The following TTC1 variants were observed in gnomAD, a reference collection of about 807,000 sequenced individuals.
TTC1 encodes the protein tetratricopeptide repeat domain 1, also known as tetratricopeptide repeat protein 1.
In TTC1, 31 loss-of-function variants were observed where a neutral mutation model predicts 37.6. The ratio of observed to expected loss-of-function variants is 0.82; its 90% CI spans 0.62 to 1.11. The LOEUF (loss-of-function observed/expected upper bound fraction) is 1.11, where lower values mean the gene tolerates loss of function less well. Among genes scored for constraint, TTC1 ranks in the 50% most tolerant of loss-of-function variants. The pLI, the probability that TTC1 is intolerant of heterozygous loss-of-function variation, is 0.00. For missense variants in TTC1, 351 were observed against 339.0 expected, an observed-to-expected ratio of 1.04 and a Z score of -0.28; for synonymous variants, 127 against 122.4, an observed-to-expected ratio of 1.04 and a Z score of -0.25.
intron 7 of TTC1, chr5:160,061,816 A>T (rs1753421168): frequency 6.6e-6 from 1 of 152,188 alleles, no homozygotes; most frequent in African/African-American, 2.4e-5. Context: ...AGTACAAGAG[A>T]TTTACTGGGG....
intron 5 of TTC1, among the ~76,000 whole-genome samples, chr5:160,047,198 A>G (rs1272624616): frequency 6.6e-6 from 1 of 152,138 alleles, no homozygotes; most frequent in African/African-American, 2.4e-5. Flanking sequence ...ATCCCACTGC[A>G]AAGTTCTTTC....
chr5:160,027,777 A>G (rs911432811), intron 2 of TTC1, among the ~76,000 whole-genome samples: 1 of 152,202 alleles, frequency 6.6e-6, no homozygotes, highest in African/African-American at 2.4e-5. Context: ...TTTTAAGTAT[A>G]TCATTACACT....
chr5:160,013,415 CA>C (rs924616980), intron 2 of TTC1, among the ~76,000 whole-genome samples: 1 of 150,968 alleles, frequency 6.6e-6, no homozygotes, highest in Admixed American at 6.6e-5. Flanking sequence ...AAAAAATGGC[CA>C]AAAAATGTGA....
At chr5:160,060,276 C>G (rs1483382965) in intron 7 of TTC1, among the ~76,000 whole-genome samples, 1 of 152,220 alleles carries the variant, frequency 6.6e-6, no homozygotes, top group African/African-American at 2.4e-5. Context: ...GCCTGATGCA[C>G]AGTCAGTATC....
intron 4 of TTC1, among the ~76,000 whole-genome samples, chr5:160,040,240 A>G (rs1385322426): frequency 6.6e-6 from 1 of 152,100 alleles, no homozygotes; most frequent in East Asian, 1.9e-4. Flanking sequence ...ATATATATAG[A>G]TACATAAACA....
Position 160,064,936 on chromosome 5 carries a change from A to G in TTC1, c.750A>G (p.Lys250=). The change falls in exon 8 of 8, where the codon AAA becomes AAG. Residue 250 remains lysine, a synonymous_variant. Transcript: ENST00000231238. Reference sequence around the variant, plus strand: ...GTTTTTGCTTTTACATTACAGGTAAATTAAAAGATCTTGGGAACTTGGTTC... The same window carrying G: ...GTTTTTGCTTTTACATTACAGGTAAGTTAAAAGATCTTGGGAACTTGGTTC... The part of the protein sequence containing the change: ...NERLKEEMLG[K]LKDLGNLVLR... 1.2e-6 allele frequency: 2 copies of G among 1,606,836 alleles called. No individual in the cohort carries two copies.
At chr5:160,034,461 A>G (rs949812150) in intron 2 of TTC1, among the ~76,000 whole-genome samples, 5 of 152,160 alleles carry the variant, frequency 3.3e-5, no homozygotes, top group Non-Finnish European at 7.3e-5. Flanking sequence ...TGCTAACAGT[A>G]TACTGCCCTA....
chr5:160,037,116 C>T (rs542552652), intron 4 of TTC1, among the ~76,000 whole-genome samples: 1 of 152,210 alleles, frequency 6.6e-6, no homozygotes, highest in African/African-American at 2.4e-5. Context: ...GCTCTAGATC[C>T]TTATTTTAGG....
chr5:160,023,894 G>T, intron 2 of TTC1: 2 of 1,604,758 alleles, frequency 1.2e-6, no homozygotes, highest in Non-Finnish European at 1.7e-6. Context: ...AGGATTCCTT[G>T]TGGGGTCAGG....
At chr5:160,018,156 C>G (rs1374360234) in intron 2 of TTC1, among the ~76,000 whole-genome samples, 1 of 152,184 alleles carries the variant, frequency 6.6e-6, no homozygotes, top group Non-Finnish European at 1.5e-5. Context: ...TTCTACTCCC[C>G]TTCCACAAAG....
At chr5:160,016,167 C>T (rs74824220) in intron 2 of TTC1, among the ~76,000 whole-genome samples, 12,360 of 152,188 alleles carry the variant, frequency 0.081, 691 homozygotes, top group Admixed American at 0.18. Flanking sequence ...CACTCAAGAC[C>T]AGGAATTCAA....
chr5:160,036,637 A>G (rs1757003410), intron 3 of TTC1, 54 bp from the exon 4 acceptor site: 1 of 1,196,100 alleles, frequency 8.4e-7, no homozygotes, highest in Non-Finnish European at 1.2e-6. Context: ...TGTGGAATAT[A>G]GTAGTATCAG....
chr5:160,039,995 A>G (rs970206825), intron 4 of TTC1, among the ~76,000 whole-genome samples: 4 of 152,228 alleles, frequency 2.6e-5, no homozygotes, highest in African/African-American at 9.6e-5. Flanking sequence ...GAAATGTGTT[A>G]TTAGGTGATT....
At chr5:160,048,803 T>C (rs1757325624) in intron 5 of TTC1, among the ~76,000 whole-genome samples, 1 of 152,130 alleles carries the variant, frequency 6.6e-6, no homozygotes, top group South Asian at 2.1e-4. Context: ...ATACAAAAAT[T>C]AGCCGGGCAT....
chr5:160,058,409 CTTTTTTTTTTTTT>C (rs1171929571), intron 7 of TTC1, among the ~76,000 whole-genome samples: 1 of 129,776 alleles, frequency 7.7e-6, no homozygotes, highest in Non-Finnish European at 1.7e-5. Context: ...AAGTGTATTT[CTTTTTTTTTTTTT>C]TTTTTTGAGA....
At chr5:160,034,270 A>G (rs1756966429) in intron 2 of TTC1, among the ~76,000 whole-genome samples, 1 of 151,864 alleles carries the variant, frequency 6.6e-6, no homozygotes, top group Non-Finnish European at 1.5e-5. Flanking sequence ...TATTGTTAAG[A>G]TGTTCCACAA....
intron 6 of TTC1, among the ~76,000 whole-genome samples, chr5:160,050,626 ACTT>A (rs1757376784): frequency 7.8e-6 from 1 of 128,228 alleles, no homozygotes; most frequent in Non-Finnish European, 1.6e-5. Flanking sequence ...GCCAAACAAA[ACTT>A]TTTTTTTTTT....
intron 2 of TTC1, among the ~76,000 whole-genome samples, chr5:160,025,537 T>G (rs1756786882): frequency 1.3e-5 from 2 of 152,340 alleles, no homozygotes; most frequent in South Asian, 4.1e-4. Flanking sequence ...TTTGGAGCAG[T>G]GTCATCCCCT....
At chr5:160,011,839 A>G (rs1756506871) in intron 2 of TTC1, among the ~76,000 whole-genome samples, 2 of 152,220 alleles carry the variant, frequency 1.3e-5, no homozygotes, top group South Asian at 4.1e-4. Context: ...TCACTCACTG[A>G]ACAGGTTGTG....
Sources: gnomAD v4.1 joint callset for allele counts (sites outside exome capture counted in the v4.1 genomes callset) on GRCh38, gnomAD v4.1.1 for gene constraint, MANE v1.5 for transcripts, NCBI Gene and HGNC (gene_info 2026-07-23, HGNC 2026-07-21) for gene names.